Variants in VWA5B1 observed in about 807,000 individuals in gnomAD.
VWA5B1 encodes von Willebrand factor A domain-containing protein 5B1.
VWA5B1 carries 115 observed loss-of-function variants against 118.2 expected under a neutral mutation model. The observed-to-expected ratio is 0.97, with a 90% CI of 0.84 to 1.14. The LOEUF (loss-of-function observed/expected upper bound fraction) is 1.14. Ranked by LOEUF, VWA5B1 falls within the 50% of genes most tolerant of loss-of-function variation. The pLI is 0.00. For synonymous variants in VWA5B1, 682 were observed against 658.4 expected (o/e 1.04, Z -0.55); for missense variants, 1,596 against 1,603.8 (o/e 1.00, Z 0.08).
chr1:20,327,816 G>A, intron 8 of VWA5B1, 74 bp from the exon 9 acceptor site: 3 of 1,255,476 alleles, frequency 2.4e-6, no homozygotes, highest in Non-Finnish European at 3.4e-6. Context: ...GCTGGGAAAG[G>A]GAATATTGGA....
chr1:20,337,012 G>A (rs1428618929), intron 13 of VWA5B1, among the ~76,000 whole-genome samples: 1 of 152,164 alleles, frequency 6.6e-6, no homozygotes, highest in East Asian at 1.9e-4. Context: ...TGGGAAGGGA[G>A]AGGACGTTCC....
At chr1:20,326,152 A>G (rs2089372608) in intron 8 of VWA5B1, among the ~76,000 whole-genome samples, 1 of 152,214 alleles carries the variant, frequency 6.6e-6, no homozygotes, top group Non-Finnish European at 1.5e-5. Context: ...TAGAGAAACC[A>G]AATGTATTGA....
At chr1:20,330,149 G>A (rs1159860503) in intron 9 of VWA5B1, 31 bp from the exon 10 acceptor site, 1 of 1,551,320 alleles carries the variant, frequency 6.4e-7, no homozygotes, top group South Asian at 1.2e-5. Context: ...GTACCATACG[G>A]TGACACTGGG....
chr1:20,312,051 G>A (rs540143059), intron 2 of VWA5B1, among the ~76,000 whole-genome samples: 32 of 152,218 alleles, frequency 2.1e-4, no homozygotes, highest in Non-Finnish European at 4.4e-4. Context: ...GGTTTGTGAG[G>A]GGCTCACCCT....
intron 17 of VWA5B1, among the ~76,000 whole-genome samples, chr1:20,346,214 A>G (rs2090004924): frequency 9.3e-6 from 1 of 107,200 alleles, no homozygotes; most frequent in Non-Finnish European, 1.9e-5. Flanking sequence ...CAATCCTTTA[A>G]TCCTCAAAAA....
At chr1:20,350,277 AT>A in intron 19 of VWA5B1, 47 bp downstream of exon 19, 1 of 1,547,310 alleles carries the variant, frequency 6.5e-7, no homozygotes, top group African/African-American at 1.4e-5. Flanking sequence ...GGTGACAGGG[AT>A]TGGTCCTGGG....
chr1:20,348,317 G>A lies in VWA5B1; in HGVS notation c.2837G>A (p.Arg946Lys). The A allele has an allele frequency of 6.4e-7, 1 of 1,551,610 alleles. No individual in the cohort carries two copies. Among genetic ancestry groups the A allele is most frequent in the Non-Finnish European group, 8.7e-7 (1 of 1,146,990 alleles). Residue 946 changes from arginine to lysine, a missense_variant, in exon 18 of 22, where the codon AGG becomes AAG. Transcript: ENST00000289815. ...AGGGGCACCTCTTCTGGCTTTGGAAGGCCGCAGACGATGCTTGGAGAAGAT... is the reference window on the plus strand; with the variant it reads ...AGGGGCACCTCTTCTGGCTTTGGAAAGCCGCAGACGATGCTTGGAGAAGAT... ...QWRGTSSGFGRPQTMLGEDSA... is the reference protein window; with the variant it reads ...QWRGTSSGFGKPQTMLGEDSA...
intron 7 of VWA5B1, among the ~76,000 whole-genome samples, chr1:20,321,454 G>A (rs536689696): frequency 3.3e-5 from 5 of 152,146 alleles, no homozygotes; most frequent in South Asian, 2.1e-4. Context: ...GCTTGGTGGC[G>A]CATGCCTGTC....
chr1:20,311,556 G>C lies in VWA5B1; in HGVS notation c.139+816G>C, dbSNP rs138826772. On this transcript the variant is annotated intron_variant, in intron 2 of 21. Transcript: ENST00000289815. ...AAACCATCTGTGAATATGAACCACG[G>C]TCAGGGATGTGGAGTCACACTGGCC... Among the ~76,000 whole-genome samples, 499 of 152,322 alleles carry C rather than the reference G, an allele frequency of 3.3e-3. 2 individuals are homozygous for C. The highest frequency in any genetic ancestry group is 5.6e-3 in the Non-Finnish European group (381 of 68,030).
At chr1:20,305,229 A>G (rs542880851) in intron 1 of VWA5B1, among the ~76,000 whole-genome samples, 1 of 152,176 alleles carries the variant, frequency 6.6e-6, no homozygotes, top group Admixed American at 6.5e-5. Flanking sequence ...GGTCTTGAAG[A>G]TGGACCCATC....
At chr1:20,331,024 C>T (rs758840815) in intron 11 of VWA5B1, 41 bp downstream of exon 11, 4 of 1,486,486 alleles carry the variant, frequency 2.7e-6, no homozygotes, top group East Asian at 5.0e-5. Context: ...GGTGCTGGAA[C>T]CTCAGAGGCT....
At chr1:20,321,273 G>A (rs1324392896) in intron 7 of VWA5B1, among the ~76,000 whole-genome samples, 1 of 152,082 alleles carries the variant, frequency 6.6e-6, no homozygotes, top group Non-Finnish European at 1.5e-5. Context: ...TTATATTCTG[G>A]GATGGAAAGA....
intron 19 of VWA5B1, 69 bp from the exon 20 acceptor site, chr1:20,350,788 C>T: frequency 6.9e-7 from 1 of 1,444,880 alleles, no homozygotes; most frequent in Non-Finnish European, 9.5e-7. Context: ...TCTGTTCCCC[C>T]AGTTGGTCAG....
chr1:20,315,258 G>A (rs1031107447), intron 4 of VWA5B1, among the ~76,000 whole-genome samples: 14 of 152,176 alleles, frequency 9.2e-5, no homozygotes, highest in Non-Finnish European at 1.6e-4. Flanking sequence ...GGGCCCCAGA[G>A]AAGAACAGAA....
chr1:20,351,929 T>G (rs1158130512), intron 20 of VWA5B1, 126 bp from the exon 21 acceptor site: 1 of 657,994 alleles, frequency 1.5e-6, no homozygotes, highest in Non-Finnish European at 2.6e-6. Flanking sequence ...TTCTGCTTCC[T>G]TAGCTATCAG....
rs1320219749 is a variant in VWA5B1 at position 20,331,812 on chromosome 1, A to G, written c.1572+829A>G. On this transcript the variant is annotated intron_variant, in intron 11 of 21. Coordinates refer to ENST00000289815, the MANE Select transcript of VWA5B1 (RefSeq NM_001039500.3). ...ACCTAACGGCATTTCTTGCAGCAAG[A>G]AGGCATGGTCTTTCTTGAAGAGAGA... 3.3e-5 allele frequency among the ~76,000 whole-genome samples: 5 copies of G among 152,232 alleles called. No individual in the cohort carries two copies. The East Asian group carries it at 9.6e-4, about 29-fold the overall frequency.
intron 8 of VWA5B1, among the ~76,000 whole-genome samples, chr1:20,326,105 G>A (rs942805916): frequency 8.5e-5 from 13 of 152,152 alleles, no homozygotes; most frequent in African/African-American, 3.1e-4. Context: ...ATGCATTAGT[G>A]ACTAATGAAA....
In VWA5B1 at chr1:20,310,631, G is replaced by A; in HGVS notation, c.30G>A (p.Gly10=). 1 of 1,547,270 alleles carries A rather than the reference G, an allele frequency of 6.5e-7. No individual in the cohort carries two copies. The highest frequency in any genetic ancestry group is 8.7e-7 in the Non-Finnish European group (1 of 1,145,306). The change falls in exon 2 of 22, where the codon GGG becomes GGA. Residue 10 remains glycine, a synonymous_variant. Transcript: ENST00000289815. ...CCGGCTTGCTGAATTGGATCACGGG[G>A]GCAGCCCTGCCCCTCACCGCGTCTG... is the stretch of plus-strand genomic sequence containing the variant. MPGLLNWIT[G]AALPLTASDV...
At chr1:20,313,378 G>T (rs1456614834) in intron 3 of VWA5B1, among the ~76,000 whole-genome samples, 1 of 152,210 alleles carries the variant, frequency 6.6e-6, no homozygotes, top group Non-Finnish European at 1.5e-5. Flanking sequence ...GGAGCTTAGA[G>T]AAAAAATTAA....
Sources: allele counts gnomAD v4.1 joint callset (sites outside exome capture counted in the v4.1 genomes callset), GRCh38; gene constraint gnomAD v4.1.1; transcripts MANE v1.5; gene names NCBI Gene and HGNC (gene_info 2026-07-23, HGNC 2026-07-21).